Variants in FCHO2 observed in about 807,000 individuals in gnomAD.
FCHO2 encodes FCH and mu domain containing endocytic adaptor 2.
Under a neutral mutation model 114.1 loss-of-function variants are expected in FCHO2, and 43 were observed. The ratio of observed to expected loss-of-function variants is 0.38; its 90% CI spans 0.30 to 0.49. FCHO2 has a LOEUF of 0.49. Among genes scored for constraint, FCHO2 ranks in the 20% least tolerant of loss-of-function variants. The pLI is 0.97. For synonymous variants in FCHO2, 293 were observed against 315.2 expected, an observed-to-expected ratio of 0.93 and a Z score of 0.75; for missense variants, 807 against 950.4, an observed-to-expected ratio of 0.85 and a Z score of 1.98.
At chr5:72,996,564 C>G (rs1157361050) in intron 5 of FCHO2, among the ~76,000 whole-genome samples, 1 of 151,328 alleles carries the variant, frequency 6.6e-6, no homozygotes, top group Non-Finnish European at 1.5e-5. Flanking sequence ...GCTCCCTCCC[C>G]CACTGTCCCC....
intron 6 of FCHO2, 133 bp downstream of exon 6, chr5:73,006,682 T>A: frequency 1.7e-6 from 1 of 598,484 alleles, no homozygotes; most frequent in Non-Finnish European, 2.7e-6. Context: ...TGATGCTGTT[T>A]TAAAAATACA....
chr5:73,059,248 G>A (rs1220205609), intron 17 of FCHO2, among the ~76,000 whole-genome samples: 1 of 152,124 alleles, frequency 6.6e-6, no homozygotes, highest in Non-Finnish European at 1.5e-5. Context: ...TTAAGGAAGC[G>A]CTGGAATCAT....
chr5:73,051,495 A>C (rs1646373406), intron 12 of FCHO2, 89 bp downstream of exon 12: 1 of 690,284 alleles, frequency 1.4e-6, no homozygotes, highest in African/African-American at 1.9e-5. Context: ...GCCTCTTCCA[A>C]TTTTTTATTA....
intron 14 of FCHO2, 90 bp downstream of exon 14, chr5:73,054,261 TTTAGA>T (rs1239985356): frequency 1.7e-6 from 2 of 1,188,298 alleles, no homozygotes; most frequent in Non-Finnish European, 2.3e-6. Flanking sequence ...GTATTAAATT[TTTAGA>T]TTAGCAAGTT....
chr5:72,990,329 G>A (rs1005147431), intron 3 of FCHO2, 149 bp from the exon 4 acceptor site: 11 of 613,890 alleles, frequency 1.8e-5, no homozygotes, highest in Non-Finnish European at 1.8e-5. Context: ...AGGTCAGTCT[G>A]TCAATCATTT....
chr5:73,012,338 A>G (rs1180758020), intron 6 of FCHO2, among the ~76,000 whole-genome samples: 1 of 152,124 alleles, frequency 6.6e-6, no homozygotes, highest in Non-Finnish European at 1.5e-5. Flanking sequence ...AATTAATGTA[A>G]CAGGCTGGGT....
intron 8 of FCHO2, among the ~76,000 whole-genome samples, chr5:73,018,592 C>T (rs1199696743): frequency 1.3e-5 from 2 of 151,596 alleles, no homozygotes; most frequent in African/African-American, 2.4e-5. Flanking sequence ...AAGGCACAAC[C>T]GTGGATTAAA....
intron 19 of FCHO2, among the ~76,000 whole-genome samples, chr5:73,073,833 A>ATC (rs1305161279): frequency 1.3e-5 from 2 of 152,134 alleles, no homozygotes; most frequent in African/African-American, 2.4e-5. Flanking sequence ...TTTCAGAGAT[A>ATC]AGTGTTGACC....
chr5:73,033,553 T>A (rs1040400357), intron 8 of FCHO2, among the ~76,000 whole-genome samples: 2 of 152,138 alleles, frequency 1.3e-5, no homozygotes, highest in African/African-American at 4.8e-5. Flanking sequence ...GAAGAACCAG[T>A]AACAAAATCC....
intron 5 of FCHO2, among the ~76,000 whole-genome samples, chr5:72,992,709 G>A (rs939875136): frequency 6.6e-6 from 1 of 152,070 alleles, no homozygotes; most frequent in Non-Finnish European, 1.5e-5. Flanking sequence ...ATCAAGCCAA[G>A]GAATCATTTC....
chr5:73,015,148 AAG>A (rs1398920046), intron 6 of FCHO2, among the ~76,000 whole-genome samples: 2 of 152,132 alleles, frequency 1.3e-5, no homozygotes, highest in Non-Finnish European at 2.9e-5. Flanking sequence ...ACATAACAAA[AAG>A]TTAACTTTTT....
intron 16 of FCHO2, 80 bp downstream of exon 16, chr5:73,056,187 G>T (rs1350819137): frequency 1.8e-6 from 2 of 1,104,306 alleles, no homozygotes; most frequent in Non-Finnish European, 2.6e-6. Flanking sequence ...AAATTGAATG[G>T]AAAGCACAGA....
At chr5:73,031,178 C>G (rs951518478) in intron 8 of FCHO2, among the ~76,000 whole-genome samples, 4 of 152,140 alleles carry the variant, frequency 2.6e-5, no homozygotes. Flanking sequence ...TGTTGCATTC[C>G]ACAGGCCCAG....
chr5:73,019,557 A>G (rs1208890764), intron 8 of FCHO2, among the ~76,000 whole-genome samples: 1 of 152,158 alleles, frequency 6.6e-6, no homozygotes, highest in Non-Finnish European at 1.5e-5. Flanking sequence ...ATAAAAAAGA[A>G]TTTTGTGCAA....
chr5:73,001,042 C>T (rs1012943068), intron 5 of FCHO2, among the ~76,000 whole-genome samples: 2 of 152,104 alleles, frequency 1.3e-5, no homozygotes, highest in Admixed American at 6.5e-5. Context: ...GTTGTTTTGA[C>T]TTAATAATTT....
chr5:73,009,538 G>GT lies in FCHO2; in HGVS notation c.600+2995dup, dbSNP rs553011136. Among the ~76,000 whole-genome samples the GT allele has an allele frequency of 9.9e-5, 15 of 151,916 alleles. No homozygotes were observed. In the East Asian group the frequency reaches 2.7e-3, roughly 28 times the overall value. ...TCCTGCCTTTCTGGTTTTTTTGTTTGTTTTTTGTTGTTTTTTGAGACAGGG... is the reference window on the plus strand; with the variant it reads ...TCCTGCCTTTCTGGTTTTTTTGTTTGTTTTTTTGTTGTTTTTTGAGACAGGG... On this transcript the variant is annotated intron_variant, in intron 6 of 25. Coordinates refer to ENST00000430046, the MANE Select transcript of FCHO2 (RefSeq NM_138782.3).
Position 73,056,060 on chromosome 5 carries a change from AT to A in FCHO2, c.1211-3del. 1 of 1,492,996 alleles carries A rather than the reference AT, an allele frequency of 6.7e-7. No homozygotes were observed. Among genetic ancestry groups the A allele is most frequent in the Non-Finnish European group, 9.0e-7 (1 of 1,116,458 alleles). The allele number at this position is 1,492,996 out of a possible 1,614,324, so 92.5% of individuals were successfully genotyped here. On this transcript the variant is annotated splice_polypyrimidine_tract_variant and splice_region_variant and intron_variant, in intron 15 of 25. Transcript: ENST00000430046. ...GAAGTTTTCATATTTTAATTTTTTA[AT>A]TAGATGAGGAGTTAACAAAATCAAA...
At chr5:73,031,050 A>G (rs1449180868) in intron 8 of FCHO2, among the ~76,000 whole-genome samples, 1 of 152,222 alleles carries the variant, frequency 6.6e-6, no homozygotes, top group African/African-American at 2.4e-5. Flanking sequence ...CAAAAAGAGT[A>G]TCCAAATTAG....
chr5:73,074,655 G>T, intron 19 of FCHO2, 87 bp from the exon 20 acceptor site: 7 of 1,241,220 alleles, frequency 5.6e-6, no homozygotes, highest in Admixed American at 4.3e-5. Context: ...GGTCGTTTGT[G>T]ACAGCCTAAC....
Sources: allele counts gnomAD v4.1 joint callset (sites outside exome capture counted in the v4.1 genomes callset), GRCh38; gene constraint gnomAD v4.1.1; transcripts MANE v1.5; gene names NCBI Gene and HGNC (gene_info 2026-07-23, HGNC 2026-07-21).